Variants in NAV2 observed in about 807,000 individuals in gnomAD.
NAV2 encodes helicase, APC down-regulated 1.
A neutral mutation model predicts 223.2 loss-of-function variants in NAV2; 54 were observed. That is an observed-to-expected ratio of 0.24 (90% CI 0.19 to 0.30). NAV2 has a LOEUF of 0.30. Among genes scored for constraint, NAV2 ranks in the 10% least tolerant of loss-of-function variants. The pLI is 1.00. For missense variants in NAV2, 2,806 were observed against 3,147.5 expected (o/e 0.89, Z 2.60); for synonymous variants, 1,279 against 1,239.3 (o/e 1.03, Z -0.67).
intron 8 of NAV2, among the ~76,000 whole-genome samples, chr11:19,940,391 C>T (rs1374971429): frequency 4.6e-5 from 7 of 152,196 alleles, no homozygotes; most frequent in Non-Finnish European, 8.8e-5. Flanking sequence ...ACTATACTAT[C>T]GCATTCTTAA....
intron 1 of NAV2, among the ~76,000 whole-genome samples, chr11:19,768,329 G>A (rs1175463565): frequency 1.3e-5 from 2 of 152,126 alleles, no homozygotes; most frequent in African/African-American, 4.8e-5. Context: ...CTTCACAGCA[G>A]CAGAGCCCCA....
chr11:19,657,532 G>A (rs1421847517), intron 1 of NAV2, among the ~76,000 whole-genome samples: 1 of 152,106 alleles, frequency 6.6e-6, no homozygotes, highest in Non-Finnish European at 1.5e-5. Context: ...CTGAATTGTT[G>A]CCCATTTCCC....
At chr11:20,101,195 G>T (rs759358331) in intron 32 of NAV2, 23 bp downstream of exon 32, 5 of 1,589,018 alleles carry the variant, frequency 3.1e-6, no homozygotes, top group Non-Finnish European at 4.3e-6. Context: ...TTCTGAGTCT[G>T]CTGTATTTTT....
chr11:19,445,916 C>T (rs181733192), intron 1 of NAV2, among the ~76,000 whole-genome samples: 8 of 152,196 alleles, frequency 5.3e-5, no homozygotes, highest in Admixed American at 5.2e-4. Flanking sequence ...GTGAGAAATA[C>T]TGAGGCAGAA....
chr11:19,918,307 T>C (rs2043978399), intron 6 of NAV2, among the ~76,000 whole-genome samples: 1 of 152,254 alleles, frequency 6.6e-6, no homozygotes, highest in South Asian at 2.1e-4. Flanking sequence ...GGTATCTGGA[T>C]TGACAGCTGG....
At chr11:19,382,441 GT>G (rs1186386908) in intron 1 of NAV2, among the ~76,000 whole-genome samples, 1 of 152,200 alleles carries the variant, frequency 6.6e-6, no homozygotes, top group Non-Finnish European at 1.5e-5. Flanking sequence ...TTGTCGGGGA[GT>G]CAAGCAGCGT....
chr11:20,097,393 C>A (rs1224094450), intron 30 of NAV2, among the ~76,000 whole-genome samples, 184 bp from the exon 31 acceptor site: 1 of 152,074 alleles, frequency 6.6e-6, no homozygotes, highest in African/African-American at 2.4e-5. Context: ...TTTAAGAGGC[C>A]TGTGGTACTC....
At chr11:19,651,998 A>G (rs542949557) in intron 1 of NAV2, among the ~76,000 whole-genome samples, 51 of 152,344 alleles carry the variant, frequency 3.3e-4, no homozygotes, top group African/African-American at 1.2e-3. Context: ...GTTGAGTGAC[A>G]GCGTAAGAAA....
chr11:19,403,029 A>C (rs1849752237), intron 1 of NAV2, among the ~76,000 whole-genome samples: 1 of 152,208 alleles, frequency 6.6e-6, no homozygotes, highest in South Asian at 2.1e-4. Context: ...CAGCTCAGCC[A>C]CTTATGTTGT....
intron 1 of NAV2, among the ~76,000 whole-genome samples, chr11:19,791,458 C>T (rs915002119): frequency 4.6e-5 from 7 of 152,114 alleles, no homozygotes; most frequent in Non-Finnish European, 1.0e-4. Flanking sequence ...CACACGCTGG[C>T]ATGACAGGAA....
At chr11:19,792,927 G>T (rs1055479408) in intron 1 of NAV2, among the ~76,000 whole-genome samples, 1 of 151,502 alleles carries the variant, frequency 6.6e-6, no homozygotes, top group African/African-American at 2.4e-5. Flanking sequence ...AAAAAAAAGA[G>T]GCTGGATGCA....
At chr11:19,588,595 C>T (rs185774137) in intron 1 of NAV2, among the ~76,000 whole-genome samples, 2 of 152,130 alleles carry the variant, frequency 1.3e-5, no homozygotes, top group Non-Finnish European at 2.9e-5. Context: ...GAGGTTCAAA[C>T]AGAAGAAGTG....
intron 10 of NAV2, among the ~76,000 whole-genome samples, chr11:19,953,495 A>G (rs2047564260): frequency 6.6e-6 from 1 of 152,222 alleles, no homozygotes; most frequent in Non-Finnish European, 1.5e-5. Context: ...CTCCTGGGAC[A>G]TGCTGCTTTC....
At chr11:19,850,392 A>G (rs1272555470) in intron 3 of NAV2, among the ~76,000 whole-genome samples, 1 of 152,156 alleles carries the variant, frequency 6.6e-6, no homozygotes, top group Admixed American at 6.5e-5. Flanking sequence ...CATTTTGGTG[A>G]CTGGGCCTGT....
At chr11:19,570,009 G>C (rs547245159) in intron 1 of NAV2, among the ~76,000 whole-genome samples, 4 of 152,322 alleles carry the variant, frequency 2.6e-5, no homozygotes, top group Admixed American at 2.0e-4. Flanking sequence ...ATTACTCCTT[G>C]TAGCTATCAG....
chr11:19,376,270 A>C (rs1183053978), intron 1 of NAV2, among the ~76,000 whole-genome samples: 1 of 152,194 alleles, frequency 6.6e-6, no homozygotes, highest in African/African-American at 2.4e-5. Flanking sequence ...GGATTTAAAA[A>C]ACAAACAAAC....
chr11:19,496,534 T>C (rs1255895599), intron 1 of NAV2, among the ~76,000 whole-genome samples: 1 of 152,190 alleles, frequency 6.6e-6, no homozygotes, highest in East Asian at 1.9e-4. Context: ...GTAGCTGACT[T>C]CCTCCAAAGC....
intron 1 of NAV2, among the ~76,000 whole-genome samples, chr11:19,655,543 C>T (rs575757265): frequency 5.9e-5 from 9 of 152,014 alleles, no homozygotes; most frequent in African/African-American, 9.7e-5. Context: ...ACATATACAC[C>T]ATGGAATACT....
At chr11:19,928,320 A>C (rs1184586168) in intron 6 of NAV2, among the ~76,000 whole-genome samples, 1 of 152,236 alleles carries the variant, frequency 6.6e-6, no homozygotes, top group Non-Finnish European at 1.5e-5. Context: ...TGTTTCTAAT[A>C]TATCTAATAA....
Sources: allele counts gnomAD v4.1 joint callset (sites outside exome capture counted in the v4.1 genomes callset), GRCh38; gene constraint gnomAD v4.1.1; transcripts MANE v1.5; gene names NCBI Gene and HGNC (gene_info 2026-07-23, HGNC 2026-07-21).